The following RGS21 variants were observed in gnomAD, a reference collection of about 807,000 sequenced individuals.
The protein encoded by RGS21 is regulator of G protein signaling 21, also known as regulator of G-protein signalling 21.
A neutral mutation model predicts 18.7 loss-of-function variants in RGS21; 19 were observed. That is an observed-to-expected ratio of 1.01 (90% CI 0.71 to 1.49). RGS21 has a LOEUF of 1.49. Ranked by LOEUF, RGS21 falls within the 40% of genes most tolerant of loss-of-function variation. RGS21 has a pLI of 0.00. For missense variants in RGS21, 194 were observed against 176.8 expected (o/e 1.10, Z -0.55); for synonymous variants, 56 against 57.8 (o/e 0.97, Z 0.14).
chr1:192,343,979 G>T lies in RGS21; in HGVS notation c.11+932G>T, dbSNP rs534283625. Among the ~76,000 whole-genome samples, 10 of 152,074 alleles carry T rather than the reference G, an allele frequency of 6.6e-5. No homozygotes were observed. In the South Asian group the frequency reaches 2.1e-3, roughly 32 times the overall value. On this transcript the variant is annotated intron_variant, in intron 2 of 4. Transcript: ENST00000417209. ...TTTTTTCTCCAACTTTTATTCAATA[G>T]ATTTCTTTCTTAACATTTATATAGT... is the stretch of plus-strand genomic sequence containing the variant.
intron 4 of RGS21, among the ~76,000 whole-genome samples, chr1:192,363,639 G>A (rs1213093062): frequency 6.6e-6 from 1 of 152,050 alleles, no homozygotes; most frequent in African/African-American, 2.4e-5. Flanking sequence ...AAACCTTTCA[G>A]TATCTTTCTA....
chr1:192,331,922 C>T (rs1429552287), intron 1 of RGS21, among the ~76,000 whole-genome samples: 5 of 151,408 alleles, frequency 3.3e-5, no homozygotes, highest in Non-Finnish European at 7.4e-5. Flanking sequence ...ATTTAGAGAA[C>T]GGTCTTAAAT....
At chr1:192,326,641 G>A (rs1003164086) in intron 1 of RGS21, among the ~76,000 whole-genome samples, 2 of 152,062 alleles carry the variant, frequency 1.3e-5, no homozygotes, top group African/African-American at 2.4e-5. Context: ...CTCAGTTTTA[G>A]AATATGGAAA....
intron 1 of RGS21, among the ~76,000 whole-genome samples, chr1:192,318,206 A>C (rs1386112807): frequency 1.3e-5 from 2 of 152,166 alleles, no homozygotes; most frequent in African/African-American, 2.4e-5. Flanking sequence ...AAACTTAGAA[A>C]TGTCAAGTAC....
chr1:192,365,863 T>G lies in RGS21; in HGVS notation c.256-58T>G, dbSNP rs1173902939. The G allele has an allele frequency of 5.3e-6, 5 of 951,468 alleles. No homozygotes were observed. In the South Asian group the frequency reaches 7.1e-5, roughly 13 times the overall value. 58.9% of individuals were successfully genotyped at this position (951,468 alleles called of 1,614,324 possible). A position where few individuals can be genotyped will look rare whatever the true frequency, so the allele number is the denominator to read the frequency against. On this transcript the variant is annotated intron_variant, in intron 4 of 4. Coordinates refer to ENST00000417209, the MANE Select transcript of RGS21 (RefSeq NM_001039152.3). ...AAGAATTTTAAATAATATATATGTA[T>G]AAACTATACATTCTTTGATTAAACT... is the stretch of plus-strand genomic sequence containing the variant.
intron 3 of RGS21, among the ~76,000 whole-genome samples, chr1:192,348,365 T>C (rs1427278748): frequency 6.6e-6 from 1 of 152,134 alleles, no homozygotes; most frequent in Non-Finnish European, 1.5e-5. Context: ...TTGGTACAAG[T>C]TGAAAGAAAC....
chr1:192,322,985 G>A (rs1658517280), intron 1 of RGS21, among the ~76,000 whole-genome samples: 1 of 151,982 alleles, frequency 6.6e-6, no homozygotes, highest in Admixed American at 6.6e-5. Context: ...AAGGGGGCGG[G>A]GATGGATGAA....
chr1:192,324,764 C>T (rs1258672017), intron 1 of RGS21, among the ~76,000 whole-genome samples: 1 of 152,058 alleles, frequency 6.6e-6, no homozygotes. Flanking sequence ...TTAAACACTA[C>T]TTATCCTAAC....
chr1:192,342,994 A>C lies in RGS21; in HGVS notation c.-43A>C. Reference sequence around the variant, plus strand: ...ACCTTCAGCTTGAAGATCAGTCAGAAAGAGAAACTCGGCATCATCTGTGAC... The same window carrying C: ...ACCTTCAGCTTGAAGATCAGTCAGACAGAGAAACTCGGCATCATCTGTGAC... On this transcript the variant is annotated 5_prime_UTR_variant, in exon 2 of 5. Coordinates refer to ENST00000417209, the MANE Select transcript of RGS21 (RefSeq NM_001039152.3). 1 of 1,608,906 alleles carries C rather than the reference A, an allele frequency of 6.2e-7. No individual in the cohort carries two copies. The highest frequency in any genetic ancestry group is 1.1e-5 in the South Asian group (1 of 90,944).
intron 4 of RGS21, among the ~76,000 whole-genome samples, chr1:192,361,205 C>T (rs1161612519): frequency 6.6e-6 from 1 of 152,006 alleles, no homozygotes; most frequent in Non-Finnish European, 1.5e-5. Flanking sequence ...AAATAATCAT[C>T]TTGAAATATC....
chr1:192,355,363 A>G (rs1426239383), intron 4 of RGS21, among the ~76,000 whole-genome samples: 3 of 151,712 alleles, frequency 2.0e-5, no homozygotes, highest in African/African-American at 4.8e-5. Context: ...TAACTATTGA[A>G]ACAACCCTTA....
chr1:192,342,381 G>T (rs1490193563), intron 1 of RGS21, among the ~76,000 whole-genome samples: 2 of 151,878 alleles, frequency 1.3e-5, no homozygotes, highest in African/African-American at 4.8e-5. Context: ...AGAAATATTG[G>T]CATAAAATGA....
intron 1 of RGS21, among the ~76,000 whole-genome samples, chr1:192,327,292 G>A (rs1934087): frequency 0.3 from 45,598 of 151,620 alleles, 7,700 homozygotes; most frequent in African/African-American, 0.45. Flanking sequence ...AGTAGCCTCC[G>A]AAAAAGCATC....
intron 4 of RGS21, among the ~76,000 whole-genome samples, chr1:192,364,205 C>T (rs184457923): frequency 7.9e-5 from 12 of 152,184 alleles, no homozygotes; most frequent in Admixed American, 1.3e-4. Context: ...AAATGGACAA[C>T]TGATTCCAGA....
At position 192,366,326 on chromosome 1, in the gene RGS21, T is replaced by A. The variant is rs1008581451; in HGVS notation, c.*202T>A. On this transcript the variant is annotated 3_prime_UTR_variant, in exon 5 of 5. Coordinates refer to ENST00000417209, the MANE Select transcript of RGS21 (RefSeq NM_001039152.3). The stretch of plus-strand genomic sequence containing the variant: ...TTGCTTTACCAGCTATTTAATCTCC[T>A]ACTGGGGGAGTACAAAGAAAGTTTA... The A allele has an allele frequency of 4.0e-6, 2 of 496,926 alleles. No homozygotes were observed. The highest frequency in any genetic ancestry group is 7.1e-6 in the Non-Finnish European group (2 of 282,070). 30.8% of individuals were successfully genotyped at this position (496,926 alleles called of 1,614,324 possible). A position where few individuals can be genotyped will look rare whatever the true frequency, so the allele number is the denominator to read the frequency against.
At chr1:192,329,945 T>C (rs1658621554) in intron 1 of RGS21, among the ~76,000 whole-genome samples, 1 of 152,154 alleles carries the variant, frequency 6.6e-6, no homozygotes, top group South Asian at 2.1e-4. Flanking sequence ...TAAAATCATG[T>C]GGTGAAGAGC....
intron 1 of RGS21, among the ~76,000 whole-genome samples, chr1:192,326,954 T>C (rs1658576181): frequency 6.6e-6 from 1 of 152,158 alleles, no homozygotes; most frequent in Admixed American, 6.6e-5. Flanking sequence ...GTTCTAGGGC[T>C]CTTTTATCCT....
chr1:192,334,590 G>A (rs1388831667), intron 1 of RGS21, among the ~76,000 whole-genome samples: 1 of 152,010 alleles, frequency 6.6e-6, no homozygotes, highest in Non-Finnish European at 1.5e-5. Context: ...TGTAATATAT[G>A]TAAGAAACTT....
At chr1:192,348,883 G>A (rs369793543) in intron 3 of RGS21, among the ~76,000 whole-genome samples, 1 of 152,052 alleles carries the variant, frequency 6.6e-6, no homozygotes, top group South Asian at 2.1e-4. Context: ...GCTTATTTAT[G>A]TATAAAGTTA....
Sources: allele counts gnomAD v4.1 joint callset (sites outside exome capture counted in the v4.1 genomes callset), GRCh38; gene constraint gnomAD v4.1.1; transcripts MANE v1.5; gene names NCBI Gene and HGNC (gene_info 2026-07-23, HGNC 2026-07-21).